MYT1L: variants seen among roughly 807,000 people sequenced by gnomAD.
MYT1L encodes the protein myelin transcription factor 1-like protein.
Under a neutral mutation model 126.7 loss-of-function variants are expected in MYT1L, and 12 were observed. The observed-to-expected ratio is 0.09, with a 90% confidence interval of 0.06 to 0.15. MYT1L has a LOEUF of 0.15. MYT1L is among the 10% of genes least tolerant of loss of function. The probability of loss-of-function intolerance (pLI) is 1.00; values close to 1 mark genes in which losing one functional copy is unlikely to be tolerated. For missense variants in MYT1L, 979 were observed against 1,585.2 expected (o/e 0.62, Z 6.49); for synonymous variants, 541 against 604.2 (o/e 0.90, Z 1.53).
intron 2 of MYT1L, among the ~76,000 whole-genome samples, chr2:2,270,282 G>T (rs191508848): frequency 6.6e-6 from 1 of 152,310 alleles, no homozygotes; most frequent in East Asian, 1.9e-4. Context: ...CTGGTAGTTG[G>T]TGCCTTGTGG....
chr2:2,311,637 G>A (rs112227183), intron 1 of MYT1L, among the ~76,000 whole-genome samples: 2 of 152,102 alleles, frequency 1.3e-5, no homozygotes, highest in Admixed American at 6.5e-5. Context: ...AGAGAAGGTC[G>A]GTCCTCCCCC....
chr2:1,809,529 T>C (rs2036258309), intron 21 of MYT1L, among the ~76,000 whole-genome samples: 1 of 152,174 alleles, frequency 6.6e-6, no homozygotes, highest in Non-Finnish European at 1.5e-5. Context: ...TAAAAATCTT[T>C]ATTATGGAAA....
intron 1 of MYT1L, among the ~76,000 whole-genome samples, chr2:2,292,571 C>T (rs1374151612): frequency 6.6e-6 from 1 of 152,148 alleles, no homozygotes; most frequent in African/African-American, 2.4e-5. Context: ...AGCCTCCCAT[C>T]CCTGTTGGGG....
intron 2 of MYT1L, among the ~76,000 whole-genome samples, chr2:2,196,452 T>G (rs2092801832): frequency 6.6e-6 from 1 of 151,868 alleles, no homozygotes; most frequent in African/African-American, 2.4e-5. Context: ...AAATAATCAT[T>G]GACTGTATAA....
intron 3 of MYT1L, among the ~76,000 whole-genome samples, chr2:2,168,702 A>T (rs999267051): frequency 1.3e-5 from 2 of 152,142 alleles, no homozygotes; most frequent in African/African-American, 4.8e-5. Flanking sequence ...GCTGACATGG[A>T]GAGTGGTCAG....
chr2:1,953,454 C>G (rs2058064337), intron 8 of MYT1L, among the ~76,000 whole-genome samples: 1 of 152,216 alleles, frequency 6.6e-6, no homozygotes, highest in Non-Finnish European at 1.5e-5. Context: ...AGACCCATCT[C>G]AAGTTCCCCC....
intron 15 of MYT1L, among the ~76,000 whole-genome samples, chr2:1,890,666 C>T (rs1244539672): frequency 6.6e-6 from 1 of 151,960 alleles, no homozygotes; most frequent in Non-Finnish European, 1.5e-5. Context: ...ATCAGAATAC[C>T]CCTAACAATC....
At chr2:1,931,295 C>T (rs761299490) in intron 9 of MYT1L, among the ~76,000 whole-genome samples, 19 of 152,240 alleles carry the variant, frequency 1.2e-4, no homozygotes, top group Admixed American at 8.5e-4. Flanking sequence ...GAATACCTCA[C>T]GTCTGCTGGG....
At chr2:1,903,984 G>A (rs2050705985) in intron 13 of MYT1L, among the ~76,000 whole-genome samples, 1 of 152,056 alleles carries the variant, frequency 6.6e-6, no homozygotes, top group Non-Finnish European at 1.5e-5. Flanking sequence ...CCTCTTCATC[G>A]GTCTAGCTCA....
Position 1,792,303 on chromosome 2 carries a change from G to A in MYT1L, c.3420+18C>T. 1 of 1,589,000 alleles carries A rather than the reference G, an allele frequency of 6.3e-7. No homozygotes were observed. On this transcript the variant is annotated intron_variant, in intron 24 of 24. Transcript: ENST00000647738. Reference sequence around the variant, plus strand: ...GTGGAGGACTCCACATTCCTGCCTTGCGTGCTCAGTCACTTACCATGTGCG... The same window carrying A: ...GTGGAGGACTCCACATTCCTGCCTTACGTGCTCAGTCACTTACCATGTGCG...
chr2:2,289,984 G>A (rs1159616238), intron 1 of MYT1L, among the ~76,000 whole-genome samples: 1 of 152,182 alleles, frequency 6.6e-6, no homozygotes, highest in Non-Finnish European at 1.5e-5. Context: ...GTGCTCCCTG[G>A]GGAAGACCTC....
chr2:2,059,230 C>CT lies in MYT1L; in HGVS notation c.-303-5108dup, dbSNP rs1213041970. Among the ~76,000 whole-genome samples, 1 of 152,242 alleles carries CT rather than the reference C, an allele frequency of 6.6e-6. No homozygotes were observed. Among genetic ancestry groups the CT allele is most frequent in the Admixed American group, 6.5e-5 (1 of 15,288 alleles). On this transcript the variant is annotated intron_variant, in intron 3 of 24. Transcript: ENST00000647738. This position sits in a 1 kb window ranked among gnomAD's most constrained non-coding sequence, Gnocchi z 4.7. ...TGCAGTGGCCATAGCATCCCAGCTT[C>CT]TTACTCTGGGTGAGGGCATCAACGG...
chr2:2,068,773 T>G (rs13025995), intron 3 of MYT1L, among the ~76,000 whole-genome samples: 3,103 of 83,996 alleles, frequency 0.037, 54 homozygotes, highest in South Asian at 0.074. Context: ...CTTCTTGTTT[T>G]TTTTTTTTTT....
intron 13 of MYT1L, among the ~76,000 whole-genome samples, chr2:1,908,406 A>C (rs1230415726): frequency 6.6e-6 from 1 of 151,446 alleles, no homozygotes; most frequent in Non-Finnish European, 1.5e-5. Flanking sequence ...GGAGCAGGGA[A>C]GCCCAAAGGT....
chr2:2,054,956 G>C (rs140158095), intron 3 of MYT1L, among the ~76,000 whole-genome samples: 6 of 152,010 alleles, frequency 3.9e-5, no homozygotes, highest in Non-Finnish European at 2.9e-5. Context: ...GAGATGCATG[G>C]AGATGAGACA....
intron 3 of MYT1L, among the ~76,000 whole-genome samples, chr2:2,103,345 G>C (rs942298526): frequency 6.6e-6 from 1 of 152,204 alleles, no homozygotes; most frequent in Non-Finnish European, 1.5e-5. Context: ...TGTCCTGAGA[G>C]CTGTGCAGCA....
chr2:2,329,958 G>A (rs2096274794), intron 1 of MYT1L, among the ~76,000 whole-genome samples: 3 of 151,536 alleles, frequency 2.0e-5, no homozygotes, highest in Admixed American at 6.6e-5. Flanking sequence ...AAAACTTATA[G>A]GAATGCAATG....
At chr2:1,862,988 G>T (rs1002502534) in intron 18 of MYT1L, among the ~76,000 whole-genome samples, 1 of 152,172 alleles carries the variant, frequency 6.6e-6, no homozygotes, top group African/African-American at 2.4e-5. Context: ...TCCAACAGGA[G>T]GCTCACAACG....
intron 1 of MYT1L, chr2:2,326,877 CAG>C (rs919899524): frequency 1.3e-5 from 2 of 151,862 alleles, no homozygotes; most frequent in African/African-American, 4.8e-5. Context: ...GAAAGAAACA[CAG>C]AGAGAAGAGA....
Sources: allele counts gnomAD v4.1 joint callset (sites outside exome capture counted in the v4.1 genomes callset), GRCh38; gene constraint gnomAD v4.1.1; non-coding constraint Gnocchi (gnomAD v3.1); transcripts MANE v1.5; gene names NCBI Gene and HGNC (gene_info 2026-07-23, HGNC 2026-07-21).